Variants in PSD3 observed in about 807,000 individuals in gnomAD.
PSD3 encodes the protein PH and SEC7 domain-containing protein 3.
Under a neutral mutation model 105.5 loss-of-function variants are expected in PSD3, and 49 were observed. That is an observed-to-expected ratio of 0.46 (90% confidence interval 0.37 to 0.59). PSD3 has a LOEUF of 0.59. Among genes scored for constraint, PSD3 ranks in the 20% least tolerant of loss-of-function variants. The probability of loss-of-function intolerance (pLI) is 0.00; values close to 1 mark genes in which losing one functional copy is unlikely to be tolerated. For missense variants in PSD3, 1,561 were observed against 1,263.8 expected (o/e 1.24, Z -3.57); for synonymous variants, 557 against 457.8 (o/e 1.22, Z -2.77).
intron 12 of PSD3, among the ~76,000 whole-genome samples, chr8:18,585,481 C>T (rs148482989): frequency 2.0e-5 from 3 of 152,084 alleles, no homozygotes; most frequent in Non-Finnish European, 4.4e-5. Context: ...CTATGTCTGG[C>T]TAATTTTTGT....
intron 10 of PSD3, among the ~76,000 whole-genome samples, chr8:18,633,908 G>A (rs1396876637): frequency 6.6e-6 from 1 of 151,952 alleles, no homozygotes; most frequent in Non-Finnish European, 1.5e-5. Flanking sequence ...CCTTTTCTCT[G>A]CAGCCCCACT....
intron 11 of PSD3, among the ~76,000 whole-genome samples, chr8:18,629,285 A>G (rs567894928): frequency 1.3e-5 from 2 of 152,168 alleles, no homozygotes; most frequent in Admixed American, 6.6e-5. Flanking sequence ...TAGAAACTTT[A>G]GAAATTTCTT....
chr8:19,070,601 C>A (rs1228774552), intron 1 of PSD3, among the ~76,000 whole-genome samples: 1 of 152,150 alleles, frequency 6.6e-6, no homozygotes, highest in Non-Finnish European at 1.5e-5. Context: ...TCGCTTAAAT[C>A]TGGGAGGCGG....
At chr8:18,709,713 T>C (rs1049772745) in intron 9 of PSD3, among the ~76,000 whole-genome samples, 4 of 152,068 alleles carry the variant, frequency 2.6e-5, no homozygotes, top group Admixed American at 1.3e-4. Context: ...CCCAGGTGAA[T>C]AGGGTGTGGA....
intron 2 of PSD3, among the ~76,000 whole-genome samples, chr8:18,923,885 A>AATATAT (rs66515444): frequency 6.6e-6 from 1 of 150,976 alleles, no homozygotes; most frequent in Non-Finnish European, 1.5e-5. Flanking sequence ...AGCTACTTTA[A>AATATAT]ATATATATAT....
intron 9 of PSD3, among the ~76,000 whole-genome samples, chr8:18,682,538 T>C (rs1035122833): frequency 1.3e-5 from 2 of 152,092 alleles, no homozygotes; most frequent in East Asian, 3.9e-4. Context: ...TCTCTAAAGA[T>C]AAAGCTTTTT....
intron 9 of PSD3, among the ~76,000 whole-genome samples, chr8:18,679,985 G>A (rs774360156): frequency 1.3e-5 from 2 of 152,170 alleles, no homozygotes; most frequent in Non-Finnish European, 2.9e-5. Flanking sequence ...CCACTCATGT[G>A]ACATTCACCT....
intron 4 of PSD3, among the ~76,000 whole-genome samples, chr8:18,862,564 G>T (rs1156358698): frequency 1.3e-5 from 2 of 152,114 alleles, no homozygotes; most frequent in Admixed American, 1.3e-4. Context: ...ACCAATGGCA[G>T]AAAAGAAGCC....
intron 9 of PSD3, among the ~76,000 whole-genome samples, chr8:18,753,071 G>A (rs1320369036): frequency 6.6e-6 from 1 of 151,936 alleles, no homozygotes; most frequent in South Asian, 2.1e-4. Flanking sequence ...ACAGTCTGGG[G>A]TGATGATGAG....
chr8:18,670,766 G>T (rs888198897), intron 9 of PSD3, among the ~76,000 whole-genome samples: 18 of 152,138 alleles, frequency 1.2e-4, no homozygotes, highest in African/African-American at 3.9e-4. Flanking sequence ...CATTTTGTGG[G>T]GGAAAAATGT....
intron 13 of PSD3, among the ~76,000 whole-genome samples, chr8:18,573,195 C>A (rs1198446147): frequency 6.6e-6 from 1 of 152,156 alleles, no homozygotes; most frequent in Non-Finnish European, 1.5e-5. Flanking sequence ...ATATGCCAGA[C>A]GTGGTGGCTC....
intron 9 of PSD3, among the ~76,000 whole-genome samples, chr8:18,744,372 A>G (rs1585805552): frequency 6.6e-6 from 1 of 152,054 alleles, no homozygotes; most frequent in South Asian, 2.1e-4. Flanking sequence ...AAGAAGCTAT[A>G]CTCTTAACCC....
intron 11 of PSD3, among the ~76,000 whole-genome samples, chr8:18,610,277 G>C (rs1460261764): frequency 6.6e-6 from 1 of 152,184 alleles, no homozygotes; most frequent in Non-Finnish European, 1.5e-5. Flanking sequence ...AGGTAGACAA[G>C]ATTGAAAACC....
intron 9 of PSD3, among the ~76,000 whole-genome samples, chr8:18,757,981 ATT>A (rs34818089): frequency 6.9e-6 from 1 of 145,292 alleles, no homozygotes; most frequent in Non-Finnish European, 1.5e-5. Context: ...AAACTGCCCC[ATT>A]TTTTTTTTTA....
intron 2 of PSD3, among the ~76,000 whole-genome samples, chr8:18,925,199 C>T (rs1483008249): frequency 1.3e-5 from 2 of 152,120 alleles, no homozygotes; most frequent in Non-Finnish European, 1.5e-5. Context: ...CCTGCCGGGG[C>T]AGCACAGCCA....
chr8:18,561,901 G>C (rs954196429), intron 14 of PSD3, among the ~76,000 whole-genome samples: 1 of 152,168 alleles, frequency 6.6e-6, no homozygotes, highest in South Asian at 2.1e-4. Context: ...CTTCTCCCCC[G>C]GTGCAAAGCC....
intron 2 of PSD3, among the ~76,000 whole-genome samples, chr8:18,933,809 A>T (rs371741228): frequency 2.4e-4 from 37 of 152,178 alleles, no homozygotes; most frequent in African/African-American, 8.9e-4. Flanking sequence ...AACTATAATC[A>T]GTACCCTGTC....
intron 1 of PSD3, among the ~76,000 whole-genome samples, chr8:18,968,046 G>C (rs1275129528): frequency 2.1e-5 from 3 of 144,810 alleles, no homozygotes; most frequent in Admixed American, 1.4e-4. Flanking sequence ...GACCACAGCA[G>C]ACATTCATCT....
At chr8:18,546,528 T>A (rs528228530) in intron 15 of PSD3, among the ~76,000 whole-genome samples, 1 of 152,326 alleles carries the variant, frequency 6.6e-6, no homozygotes, top group South Asian at 2.1e-4. Flanking sequence ...TAGGTTTTGA[T>A]GATTTAATAT....
Sources: allele counts gnomAD v4.1 joint callset (sites outside exome capture counted in the v4.1 genomes callset), GRCh38; gene constraint gnomAD v4.1.1; transcripts MANE v1.5; gene names NCBI Gene and HGNC (gene_info 2026-07-23, HGNC 2026-07-21).